The following TRIM2 variants were observed in gnomAD, a reference collection of about 807,000 sequenced individuals.
The protein encoded by TRIM2 is tripartite motif-containing protein 2.
In TRIM2, 20 loss-of-function variants were observed where a neutral mutation model predicts 75.2. The ratio of observed to expected loss-of-function variants is 0.27; its 90% confidence interval spans 0.19 to 0.39. TRIM2 has a LOEUF of 0.39. Among genes scored for constraint, TRIM2 ranks in the 10% least tolerant of loss-of-function variants. TRIM2 has a pLI of 1.00. For synonymous variants in TRIM2, 373 were observed against 388.3 expected, an observed-to-expected ratio of 0.96 and a Z score of 0.46; for missense variants, 660 against 990.8, an observed-to-expected ratio of 0.67 and a Z score of 4.48.
intron 1 of TRIM2, among the ~76,000 whole-genome samples, chr4:153,172,835 G>A (rs894861012): frequency 1.3e-5 from 2 of 152,144 alleles, no homozygotes; most frequent in Non-Finnish European, 2.9e-5. Flanking sequence ...AGTGTTCCAG[G>A]CAGAAGGAAC....
At chr4:153,166,460 G>A (rs4696429) in intron 1 of TRIM2, among the ~76,000 whole-genome samples, 66,935 of 150,818 alleles carry the variant, frequency 0.44, 16,011 homozygotes, top group Non-Finnish European at 0.55. Context: ...AAAAGGCAGT[G>A]CTGGAAGGAT....
chr4:153,234,795 AC>A (rs1359459523), intron 1 of TRIM2, among the ~76,000 whole-genome samples: 1 of 152,104 alleles, frequency 6.6e-6, no homozygotes, highest in African/African-American at 2.4e-5. Flanking sequence ...CAATGCCCAG[AC>A]CTTTCTTCTG....
At chr4:153,158,280 C>T (rs1175554436) in intron 1 of TRIM2, among the ~76,000 whole-genome samples, 1 of 152,116 alleles carries the variant, frequency 6.6e-6, no homozygotes, top group East Asian at 1.9e-4. Flanking sequence ...CATCCCTGTC[C>T]TGATCAATAA....
intron 6 of TRIM2, among the ~76,000 whole-genome samples, chr4:153,297,676 C>A (rs945809915): frequency 2.0e-5 from 3 of 152,162 alleles, no homozygotes; most frequent in Non-Finnish European, 2.9e-5. Flanking sequence ...CAAGTGACCC[C>A]AGTCTACTCC....
intron 1 of TRIM2, among the ~76,000 whole-genome samples, chr4:153,178,777 T>C (rs1353292258): frequency 6.6e-6 from 1 of 152,188 alleles, no homozygotes; most frequent in Non-Finnish European, 1.5e-5. Flanking sequence ...TATTTCCCAA[T>C]AAGAAAAATT....
intron 6 of TRIM2, among the ~76,000 whole-genome samples, chr4:153,299,452 T>A (rs1763419242): frequency 6.6e-6 from 1 of 152,200 alleles, no homozygotes; most frequent in Non-Finnish European, 1.5e-5. Flanking sequence ...TGATTCCATA[T>A]CTTGGCTATT....
chr4:153,295,408 G>T lies in TRIM2; in HGVS notation c.882G>T (p.Glu294Asp). 1.2e-6 allele frequency: 2 copies of T among 1,614,178 alleles called. No homozygotes were observed. Among genetic ancestry groups the T allele is most frequent in the Non-Finnish European group, 1.7e-6 (2 of 1,180,002 alleles). Reference sequence around the variant, plus strand: ...CGCAGGCCCTCAACCATGGCACGGAGACCGAGGTCCTACTGGTGAAGAAGC... The same window carrying T: ...CGCAGGCCCTCAACCATGGCACGGATACCGAGGTCCTACTGGTGAAGAAGC... ...FTAQALNHGT[E>D]TEVLLVKKQM... Residue 294 changes from glutamate to aspartate, a missense_variant, in exon 6 of 12, where the codon GAG (glutamate) becomes GAT (aspartate). By Grantham distance (45) the Glu-to-Asp change is conservative (BLOSUM62 2). Coordinates refer to ENST00000338700, the MANE Select transcript of TRIM2 (RefSeq NM_015271.5). The surrounding 1 kb of genome is among the most constrained non-coding windows in gnomAD (Gnocchi z 7.2).
chr4:153,228,646 A>G (rs1278709788), intron 1 of TRIM2, among the ~76,000 whole-genome samples: 2 of 152,226 alleles, frequency 1.3e-5, no homozygotes, highest in Non-Finnish European at 2.9e-5. Flanking sequence ...GCTGCTTTCC[A>G]TCTTATAAAA....
chr4:153,297,628 A>T (rs1052291939), intron 6 of TRIM2, among the ~76,000 whole-genome samples: 2 of 151,824 alleles, frequency 1.3e-5, no homozygotes, highest in African/African-American at 4.8e-5. Context: ...GAACAAATTC[A>T]TTTTCCCATT....
chr4:153,155,423 G>A (rs533471107), intron 1 of TRIM2, among the ~76,000 whole-genome samples: 1 of 152,100 alleles, frequency 6.6e-6, no homozygotes, highest in Non-Finnish European at 1.5e-5. Context: ...GAAATTGGAG[G>A]GAAGGGGTTC....
At chr4:153,223,733 C>A (rs1265962008) in intron 1 of TRIM2, among the ~76,000 whole-genome samples, 2 of 152,308 alleles carry the variant, frequency 1.3e-5, no homozygotes, top group Non-Finnish European at 2.9e-5. Context: ...CCCCATGGAG[C>A]AACTGATGCC....
At chr4:153,213,997 G>T (rs201529767) in intron 1 of TRIM2, among the ~76,000 whole-genome samples, 1 of 146,870 alleles carries the variant, frequency 6.8e-6, no homozygotes, top group Non-Finnish European at 1.5e-5. Context: ...GAGGAAAAAA[G>T]AAAAAAAAAA....
intron 1 of TRIM2, among the ~76,000 whole-genome samples, chr4:153,193,620 G>A (rs1344603185): frequency 6.6e-6 from 1 of 152,154 alleles, no homozygotes; most frequent in Non-Finnish European, 1.5e-5. Context: ...TGTGGGGTAG[G>A]ACTATTATCT....
At chr4:153,189,464 C>A (rs759041572) in intron 1 of TRIM2, among the ~76,000 whole-genome samples, 1 of 152,192 alleles carries the variant, frequency 6.6e-6, no homozygotes, top group Admixed American at 6.5e-5. Context: ...CTGAAGGTGA[C>A]CTGCTGTGGT....
chr4:153,338,856 GA>G lies in TRIM2; in HGVS notation c.*3892del. ...TCAATGCTTTTGCTTTATGACATGG[GA>G]ATGTTCTGTCATCAATGGAGTGTAT... On this transcript the variant is annotated 3_prime_UTR_variant, in exon 12 of 12. Transcript: ENST00000338700. The G allele has an allele frequency of 1.0e-6, 1 of 985,622 alleles. No individual in the cohort carries two copies. The highest frequency in any genetic ancestry group is 1.2e-6 in the Non-Finnish European group (1 of 829,846). 61.1% of individuals were successfully genotyped at this position (985,622 alleles called of 1,614,324 possible).
intron 1 of TRIM2, among the ~76,000 whole-genome samples, chr4:153,196,181 G>T (rs981300253): frequency 6.6e-6 from 1 of 152,138 alleles, no homozygotes; most frequent in Admixed American, 6.5e-5. Context: ...ATCCCAGCAC[G>T]TCGGGAGGCT....
chr4:153,338,745 T>C lies in TRIM2; in HGVS notation c.*3779T>C. 1.0e-6 allele frequency: 1 copy of C among 985,822 alleles called. No homozygotes were observed. The highest frequency in any genetic ancestry group is 1.2e-6 in the Non-Finnish European group (1 of 829,902). 61.1% of individuals were successfully genotyped at this position (985,822 alleles called of 1,614,324 possible). A position where few individuals can be genotyped will look rare whatever the true frequency, so the allele number is the denominator to read the frequency against. ...GAGAATGTATGAAAGCTATTAATAT[T>C]CTAGAATAGATTAATAAATTGGCTA... On this transcript the variant is annotated 3_prime_UTR_variant, in exon 12 of 12. Transcript: ENST00000338700.
Position 153,339,009 on chromosome 4 carries a change from T to A in TRIM2, c.*4043T>A. 1 of 985,480 alleles carries A rather than the reference T, an allele frequency of 1.0e-6. No individual in the cohort carries two copies. Among genetic ancestry groups the A allele is most frequent in the Non-Finnish European group, 1.2e-6 (1 of 829,772 alleles). 61.0% of individuals were successfully genotyped at this position (985,480 alleles called of 1,614,324 possible). A position where few individuals can be genotyped will look rare whatever the true frequency, so the allele number is the denominator to read the frequency against. ...ATTTTGTACATTCCATCTTTATAGGTCTGTTTCATATGTTTTATGTATAGA... is the reference window on the plus strand; with the variant it reads ...ATTTTGTACATTCCATCTTTATAGGACTGTTTCATATGTTTTATGTATAGA... On this transcript the variant is annotated 3_prime_UTR_variant, in exon 12 of 12. Transcript: ENST00000338700.
At chr4:153,153,145 G>C (rs909584876) in exon 1 of TRIM2, 4 of 152,326 alleles carry the variant, frequency 2.6e-5, no homozygotes, top group Non-Finnish European at 5.9e-5. Context: ...TGCAGAAAAT[G>C]AGGGGCTTTC....
Sources: gnomAD v4.1 joint callset for allele counts (sites outside exome capture counted in the v4.1 genomes callset) on GRCh38, gnomAD v4.1.1 for gene constraint, Gnocchi (gnomAD v3.1) non-coding constraint, MANE v1.5 for transcripts, NCBI Gene and HGNC (gene_info 2026-07-23, HGNC 2026-07-21) for gene names.